The following ATRX variants were observed in gnomAD, a reference collection of about 807,000 sequenced individuals.
ATRX encodes chromatin remodeler ATRX.
ATRX carries 12 observed loss-of-function variants against 172.6 expected under a neutral mutation model. That is an observed-to-expected ratio of 0.07 (90% CI 0.04 to 0.11). The LOEUF (loss-of-function observed/expected upper bound fraction) is 0.11. Among genes scored for constraint, ATRX ranks in the 10% least tolerant of loss-of-function variants. ATRX has a pLI of 1.00. For synonymous variants in ATRX, 674 were observed against 594.7 expected, an observed-to-expected ratio of 1.13 and a Z score of -1.94; for missense variants, 1,368 against 1,767.4, an observed-to-expected ratio of 0.77 and a Z score of 4.05.
intron 9 of ATRX, among the ~76,000 whole-genome samples, chrX:77,680,035 G>A (rs2071100857): frequency 9.0e-6 from 1 of 111,584 alleles, no homozygotes; most frequent in African/African-American, 3.2e-5. Context: ...AAGACAATCT[G>A]GCAGCAAAAC....
chrX:77,644,790 T>A (rs1409439793), intron 15 of ATRX, among the ~76,000 whole-genome samples: 1 of 109,836 alleles, frequency 9.1e-6, no homozygotes, highest in Non-Finnish European at 1.9e-5. Flanking sequence ...ATCTTATGTA[T>A]TACGAGAGTC....
intron 19 of ATRX, among the ~76,000 whole-genome samples, chrX:77,629,983 C>T (rs1602959248): frequency 8.9e-6 from 1 of 112,335 alleles, no homozygotes; most frequent in Admixed American, 9.4e-5. Flanking sequence ...CACACACACG[C>T]GTGAGCGCAC....
chrX:77,713,089 C>T (rs2073193770), intron 2 of ATRX, among the ~76,000 whole-genome samples: 1 of 110,821 alleles, frequency 9.0e-6, no homozygotes, highest in South Asian at 3.9e-4. Flanking sequence ...GCAAAGGTTG[C>T]AGTGATCTGA....
intron 13 of ATRX, among the ~76,000 whole-genome samples, chrX:77,654,426 A>G (rs1172622779): frequency 9.0e-6 from 1 of 111,564 alleles, no homozygotes; most frequent in Non-Finnish European, 1.9e-5. Flanking sequence ...TATGAGTAAG[A>G]AGATGCATAA....
chrX:77,664,414 C>T (rs2070118993), intron 11 of ATRX, among the ~76,000 whole-genome samples: 1 of 110,417 alleles, frequency 9.1e-6, no homozygotes, highest in South Asian at 3.9e-4. Context: ...CACGCACTAT[C>T]ACGCCCAGCT....
intron 34 of ATRX, among the ~76,000 whole-genome samples, chrX:77,517,837 T>G (rs1557039665): frequency 1.8e-5 from 2 of 112,092 alleles, no homozygotes; most frequent in Non-Finnish European, 1.9e-5. Context: ...CCAAGTGGGA[T>G]TTATCCAAGG....
At chrX:77,679,860 A>G (rs1250007814) in intron 9 of ATRX, among the ~76,000 whole-genome samples, 1 of 112,239 alleles carries the variant, frequency 8.9e-6, no homozygotes, top group Admixed American at 9.5e-5. Flanking sequence ...CTTAAACTCT[A>G]ATCCTTAATA....
chrX:77,539,557 C>T (rs782808318), intron 30 of ATRX, among the ~76,000 whole-genome samples: 53 of 108,565 alleles, frequency 4.9e-4, no homozygotes, highest in Non-Finnish European at 6.5e-4. Context: ...AAAATGAATA[C>T]GCTAAAAAAA....
At chrX:77,614,306 T>C (rs1234004818) in intron 22 of ATRX, among the ~76,000 whole-genome samples, 2 of 112,202 alleles carry the variant, frequency 1.8e-5, no homozygotes, top group African/African-American at 6.5e-5. Flanking sequence ...ATAACCCACT[T>C]GGCCTTTTAT....
At chrX:77,528,519 T>C (rs1163749269) in intron 30 of ATRX, among the ~76,000 whole-genome samples, 1 of 110,495 alleles carries the variant, frequency 9.1e-6, no homozygotes, top group Non-Finnish European at 1.9e-5. Context: ...AACTAGGGTC[T>C]GGAGCAAACC....
chrX:77,682,936 C>T lies in ATRX; in HGVS notation c.2320G>A (p.Asp774Asn), dbSNP rs1557139871. 1.7e-6 allele frequency: 2 copies of T among 1,210,129 alleles called. No homozygotes were observed. The highest frequency in any genetic ancestry group is 5.9e-5 in the East Asian group (2 of 33,792). Reference sequence around the variant, plus strand: ...TTTCGTTTCCTTTTTCCTTTATCATCTTTCCCCGCCTGAGTCTTTAAATCA... The same window carrying T: ...TTTCGTTTCCTTTTTCCTTTATCATTTTTCCCCGCCTGAGTCTTTAAATCA... ...LYDLKTQAGK[D>N]DKGKRKRKSS... The change falls in exon 9 of 35, where the codon GAT becomes AAT. Residue 774 changes from aspartate to asparagine, a missense_variant. This residue lies in a region of ATRX where 843 missense variants were observed against 643.1 expected (regional missense o/e 1.31). Coordinates refer to ENST00000373344, the MANE Select transcript of ATRX (RefSeq NM_000489.6).
intron 34 of ATRX, among the ~76,000 whole-genome samples, chrX:77,511,095 CAGAG>C (rs782495843): frequency 8.9e-6 from 1 of 112,367 alleles, no homozygotes; most frequent in African/African-American, 3.2e-5. Context: ...TTAGCACAGA[CAGAG>C]AGAGATTCTG....
intron 1 of ATRX, among the ~76,000 whole-genome samples, chrX:77,737,121 G>A (rs1279176763): frequency 1.9e-4 from 21 of 110,385 alleles, no homozygotes; most frequent in African/African-American, 6.9e-4. Context: ...CAGTTGGAAA[G>A]CATGAATAAG....
intron 19 of ATRX, among the ~76,000 whole-genome samples, chrX:77,627,182 G>A (rs1365407276): frequency 9.0e-6 from 1 of 111,128 alleles, no homozygotes; most frequent in African/African-American, 3.3e-5. Context: ...GCAGTGAGCC[G>A]AGATCGCGCC....
chrX:77,753,516 G>C (rs2075375936), intron 1 of ATRX, among the ~76,000 whole-genome samples: 1 of 110,928 alleles, frequency 9.0e-6, no homozygotes, highest in Non-Finnish European at 1.9e-5. Flanking sequence ...TTTTGAATTT[G>C]TTTGCTCTTT....
chrX:77,653,996 C>T, intron 14 of ATRX, 102 bp downstream of exon 14: 1 of 662,447 alleles, frequency 1.5e-6, no homozygotes, highest in South Asian at 2.4e-5. Flanking sequence ...GTAAATAAGC[C>T]AGTACAATAC....
intron 30 of ATRX, among the ~76,000 whole-genome samples, chrX:77,526,196 T>C (rs964846112): frequency 2.5e-4 from 28 of 112,192 alleles, no homozygotes; most frequent in African/African-American, 8.7e-4. Context: ...ATGTCTGTTT[T>C]ATTGAGATAC....
In ATRX at chrX:77,618,802, G is replaced by A. The variant is rs1557098428; in HGVS notation, c.5448+4C>T. 6.7e-6 allele frequency: 8 copies of A among 1,200,451 alleles called. No individual in the cohort carries two copies. The highest frequency in any genetic ancestry group is 9.0e-6 in the Non-Finnish European group (8 of 886,611). ...TATTTTATTACTATGGAACATATTT[G>A]TACCTGAACACATCCAGCTAACATC... On this transcript the variant is annotated splice_donor_region_variant and intron_variant, in intron 21 of 34. Coordinates refer to ENST00000373344, the MANE Select transcript of ATRX (RefSeq NM_000489.6).
chrX:77,648,388 T>C (rs1284823682), intron 15 of ATRX, among the ~76,000 whole-genome samples: 2 of 110,234 alleles, frequency 1.8e-5, no homozygotes, highest in Admixed American at 9.7e-5. Context: ...AGAGTAAAAA[T>C]GAACACAAAA....
Sources: allele counts gnomAD v4.1 joint callset (sites outside exome capture counted in the v4.1 genomes callset), GRCh38; gene constraint gnomAD v4.1.1; regional missense constraint gnomAD v4.1.1; transcripts MANE v1.5; gene names NCBI Gene and HGNC (gene_info 2026-07-23, HGNC 2026-07-21).